Variants in CACTIN observed in about 807,000 individuals in gnomAD.
CACTIN encodes the protein cactin, spliceosome C complex subunit, also known as splicing factor Cactin.
Under a neutral mutation model 84.9 loss-of-function variants are expected in CACTIN, and 20 were observed. That is an observed-to-expected ratio of 0.24 (90% confidence interval 0.17 to 0.34). The LOEUF (loss-of-function observed/expected upper bound fraction) is 0.34. CACTIN is among the 10% of genes least tolerant of loss of function. The pLI is 1.00. For synonymous variants in CACTIN, 549 were observed against 467.9 expected, an observed-to-expected ratio of 1.17 and a Z score of -2.24; for missense variants, 897 against 1,117.2, an observed-to-expected ratio of 0.80 and a Z score of 2.81.
At chr19:3,618,850 A>G (rs775970556) in intron 6 of CACTIN, 25 bp downstream of exon 6, 2 of 1,517,412 alleles carry the variant, frequency 1.3e-6, no homozygotes, top group Non-Finnish European at 1.8e-6. Flanking sequence ...GCTCCCCTGG[A>G]GCCCAGGCCC....
intron 1 of CACTIN, 26 bp from the exon 2 acceptor site, chr19:3,624,188 C>A (rs1290112113): frequency 6.6e-7 from 1 of 1,517,506 alleles, no homozygotes; most frequent in African/African-American, 1.4e-5. Flanking sequence ...TGGATGCCTG[C>A]TCAGTGCCTG....
At position 3,611,281 on chromosome 19, in the gene CACTIN, G is replaced by T. The variant is rs200388466; in HGVS notation, c.*642C>A. The T allele has an allele frequency of 1.4e-4, 62 of 454,482 alleles. No homozygotes were observed. Among genetic ancestry groups the T allele is most frequent in the Middle Eastern group, 1.3e-3 (4 of 3,056 alleles). 28.2% of individuals were successfully genotyped at this position (454,482 alleles called of 1,614,324 possible). On this transcript the variant is annotated 3_prime_UTR_variant, in exon 10 of 10. Transcript: ENST00000429344. ...CCAGCACGGGGTGAGTTGGGGGCCA[G>T]TCCCTGCAGAGTGTGGGTGTCCACA...
Position 3,612,184 on chromosome 19 carries a change from G to A in CACTIN, c.2016C>T (p.Ile672=). ...AGATGTTGAACTTGTATCCCTGCAC[G>A]ATCTTGGGCGGTGGGTTGTCAAAGT... ...HYDFDNPPPK[I]VQGYKFNIFY... The change falls in exon 10 of 10, where the codon ATC becomes ATT. Residue 672 remains isoleucine, a synonymous_variant. Coordinates refer to ENST00000429344, the MANE Select transcript of CACTIN (RefSeq NM_001080543.2). 1.9e-6 allele frequency: 3 copies of A among 1,613,548 alleles called. No individual in the cohort carries two copies. The highest frequency in any genetic ancestry group is 2.5e-6 in the Non-Finnish European group (3 of 1,179,904).
chr19:3,621,774 T>C (rs933910373), intron 2 of CACTIN, among the ~76,000 whole-genome samples: 1 of 152,092 alleles, frequency 6.6e-6, no homozygotes, highest in African/African-American at 2.4e-5. Context: ...GATGTGTCAG[T>C]TGAGGCCTGA....
rs559071758 is a variant in CACTIN at position 3,624,535 on chromosome 19, C to A, written c.168-373G>T. On this transcript the variant is annotated intron_variant, in intron 1 of 9. Transcript: ENST00000429344. The stretch of plus-strand genomic sequence containing the variant: ...GGATTCGGAGGGAGAGTGCTCGAGG[C>A]AGAGCAAGAGCGAGGGCCTAGAGGC... Among the ~76,000 whole-genome samples, 20 of 152,118 alleles carry A rather than the reference C, an allele frequency of 1.3e-4. No individual in the cohort carries two copies. The South Asian group carries it at 4.1e-3, about 32-fold the overall frequency.
In CACTIN at chr19:3,611,319, T is replaced by C. The variant is rs1415728615; in HGVS notation, c.*604A>G. The C allele has an allele frequency of 2.2e-6, 1 of 454,950 alleles. No homozygotes were observed. Among genetic ancestry groups the C allele is most frequent in the Non-Finnish European group, 4.4e-6 (1 of 226,556 alleles). The allele number at this position is 454,950 out of a possible 1,614,324, so 28.2% of individuals were successfully genotyped here. ...GTGGGTGTCCACAGAGGGTCTCTTCTGCAGTGGCGGATCGGGCGCCAGCAG... is the reference window on the plus strand; with the variant it reads ...GTGGGTGTCCACAGAGGGTCTCTTCCGCAGTGGCGGATCGGGCGCCAGCAG... On this transcript the variant is annotated 3_prime_UTR_variant, in exon 10 of 10. Coordinates refer to ENST00000429344, the MANE Select transcript of CACTIN (RefSeq NM_001080543.2).
Position 3,612,061 on chromosome 19 carries a change from C to T in CACTIN, c.2139G>A (p.Gly713=), listed in dbSNP as rs1212558392. ...KDFAILRFHA[G]PPYEDIAFKI... ...TGAAAGCGATGTCCTCGTAGGGCGG[C>T]CCCGCGTGGAAGCGCAGGATGGCGA... is the stretch of plus-strand genomic sequence containing the variant. The change falls in exon 10 of 10, where the codon GGG becomes GGA. Residue 713 remains glycine, a synonymous_variant. Coordinates refer to ENST00000429344, the MANE Select transcript of CACTIN (RefSeq NM_001080543.2). The T allele has an allele frequency of 1.2e-6, 2 of 1,613,878 alleles. No homozygotes were observed. Among genetic ancestry groups the T allele is most frequent in the South Asian group, 1.1e-5 (1 of 91,088 alleles).
At position 3,610,681 on chromosome 19, in the gene CACTIN, G is replaced by A. The variant is rs776577870; in HGVS notation, c.*1242C>T. 1.3e-5 allele frequency: 6 copies of A among 454,202 alleles called. No individual in the cohort carries two copies. Among genetic ancestry groups the A allele is most frequent in the East Asian group, 6.9e-5 (1 of 14,396 alleles). 28.1% of individuals were successfully genotyped at this position (454,202 alleles called of 1,614,324 possible). Reference sequence around the variant, plus strand: ...TACAACGTTTATTAAAAAAACATGCGATCTTGCCAATAGGCCAATTCCATG... The same window carrying A: ...TACAACGTTTATTAAAAAAACATGCAATCTTGCCAATAGGCCAATTCCATG... On this transcript the variant is annotated 3_prime_UTR_variant, in exon 10 of 10. Coordinates refer to ENST00000429344, the MANE Select transcript of CACTIN (RefSeq NM_001080543.2).
intron 6 of CACTIN, 193 bp from the exon 7 acceptor site, chr19:3,614,782 G>A: frequency 3.3e-6 from 2 of 609,024 alleles, no homozygotes; most frequent in African/African-American, 1.8e-5. Context: ...GAGGGGGTGG[G>A]CGGAGGTTGG....
At chr19:3,614,283 C>G in intron 7 of CACTIN, 114 bp downstream of exon 7, 1 of 1,104,866 alleles carries the variant, frequency 9.1e-7, no homozygotes, top group Non-Finnish European at 1.3e-6. Flanking sequence ...CTGCCCCTCT[C>G]CACCCCACAT....
rs1402295718 is a variant in CACTIN at position 3,624,156 on chromosome 19, A to G, written c.174T>C (p.Asp58=). 2 of 1,559,860 alleles carry G rather than the reference A, an allele frequency of 1.3e-6. No homozygotes were observed. Among genetic ancestry groups the G allele is most frequent in the South Asian group, 2.3e-5 (2 of 86,730 alleles). Reference sequence around the variant, plus strand: ...AGCGCTGCCACCGCTCTTCCTCTGAATCTGACCTGCGGAGAGGACCATGGA... The same window carrying G: ...AGCGCTGCCACCGCTCTTCCTCTGAGTCTGACCTGCGGAGAGGACCATGGA... ...RRRRSRERRS[D]SEEERWQRSG... is the part of the protein sequence containing the mutation. Residue 58 remains aspartate, a synonymous_variant, in exon 2 of 10, where the codon GAT becomes GAC. Coordinates refer to ENST00000429344, the MANE Select transcript of CACTIN (RefSeq NM_001080543.2).
intron 2 of CACTIN, 47 bp from the exon 3 acceptor site, chr19:3,620,849 G>C (rs1192418333): frequency 4.1e-6 from 6 of 1,465,078 alleles, no homozygotes; most frequent in Non-Finnish European, 4.7e-6. Context: ...CCGCCCCCTC[G>C]CCCCCCTCCT....
At position 3,611,785 on chromosome 19, in the gene CACTIN, G is replaced by C; in HGVS notation, c.*138C>G. On this transcript the variant is annotated 3_prime_UTR_variant, in exon 10 of 10. Coordinates refer to ENST00000429344, the MANE Select transcript of CACTIN (RefSeq NM_001080543.2). ...ATATAGGAGGAAACTGAGGCCTGGC[G>C]AAAGAAAGATGCGGCCTGAGGTGGG... is the stretch of plus-strand genomic sequence containing the variant. 2 of 1,134,436 alleles carry C rather than the reference G, an allele frequency of 1.8e-6. No individual in the cohort carries two copies. Among genetic ancestry groups the C allele is most frequent in the Non-Finnish European group, 2.6e-6 (2 of 780,394 alleles). The allele number at this position is 1,134,436 out of a possible 1,614,324, so 70.3% of individuals were successfully genotyped here.
chr19:3,614,666 C>T, intron 6 of CACTIN, 77 bp from the exon 7 acceptor site: 1 of 1,219,858 alleles, frequency 8.2e-7, no homozygotes, highest in Non-Finnish European at 1.2e-6. Context: ...GCCTCCTCCC[C>T]TGCCATGGGG....
chr19:3,623,670 C>A lies in CACTIN; in HGVS notation c.642+18G>T, dbSNP rs762723100. 6.3e-7 allele frequency: 1 copy of A among 1,576,130 alleles called. No individual in the cohort carries two copies. The highest frequency in any genetic ancestry group is 1.8e-5 in the Admixed American group (1 of 55,772). On this transcript the variant is annotated intron_variant, in intron 2 of 9. Coordinates refer to ENST00000429344, the MANE Select transcript of CACTIN (RefSeq NM_001080543.2). ...GGAAATGCTACAGGGACAGAGGCCA[C>A]CACCCGGCGGGGCCCACCTTATTCC...
At chr19:3,617,652 G>A (rs773153319) in intron 6 of CACTIN, among the ~76,000 whole-genome samples, 3 of 152,094 alleles carry the variant, frequency 2.0e-5, no homozygotes, top group Non-Finnish European at 2.9e-5. Flanking sequence ...GGGGCCTAGG[G>A]CAACGCTGGA....
intron 6 of CACTIN, among the ~76,000 whole-genome samples, chr19:3,617,786 C>G (rs2033136980): frequency 6.6e-6 from 1 of 152,338 alleles, no homozygotes; most frequent in South Asian, 2.1e-4. Context: ...AGACCCTTAA[C>G]GGACACACCT....
In CACTIN at chr19:3,614,585, C is replaced by A; in HGVS notation, c.1167G>T (p.Glu389Asp). Residue 389 changes from glutamate (E) to aspartate (D), a missense_variant, in exon 7 of 10, where the codon GAG becomes GAT. Glu to Asp is a conservative substitution (Grantham distance 45, BLOSUM62 2). This residue lies in a region of CACTIN where 304 missense variants were observed against 444.3 expected (regional missense o/e 0.68). Coordinates refer to ENST00000429344, the MANE Select transcript of CACTIN (RefSeq NM_001080543.2). Reference sequence around the variant, plus strand: ...CGGAGGCGTTGACCCCCTCGCGGCGCTCACCTGCAGCGGGGTGGGGGCATG... The same window carrying A: ...CGGAGGCGTTGACCCCCTCGCGGCGATCACCTGCAGCGGGGTGGGGGCATG... Reference protein sequence around the residue: ...KLEASGKGPGERREGVNASVS... With the variant: ...KLEASGKGPGDRREGVNASVS... The A allele has an allele frequency of 6.3e-7, 1 of 1,599,948 alleles. No individual in the cohort carries two copies. Among genetic ancestry groups the A allele is most frequent in the South Asian group, 1.1e-5 (1 of 88,846 alleles).
At chr19:3,614,372 C>G (rs1291824018) in intron 7 of CACTIN, 25 bp downstream of exon 7, 1 of 1,554,972 alleles carries the variant, frequency 6.4e-7, no homozygotes, top group South Asian at 1.2e-5. Context: ...CGGCACCAAC[C>G]CTGGTACCCG....
Sources: gnomAD v4.1 joint callset for allele counts (sites outside exome capture counted in the v4.1 genomes callset) on GRCh38, gnomAD v4.1.1 for gene constraint, gnomAD v4.1.1 regional missense constraint, MANE v1.5 for transcripts, NCBI Gene and HGNC (gene_info 2026-07-23, HGNC 2026-07-21) for gene names.